Variants in MYO15A observed in about 807,000 individuals in gnomAD.
MYO15A encodes the protein unconventional myosin-XV.
A neutral mutation model predicts 394.6 loss-of-function variants in MYO15A; 308 were observed. The ratio of observed to expected loss-of-function variants is 0.78; its 90% CI spans 0.71 to 0.86. MYO15A has a LOEUF of 0.86. Ranked by LOEUF, MYO15A falls within the 40% of genes least tolerant of loss-of-function variation. The pLI, the probability that MYO15A is intolerant of heterozygous loss-of-function variation, is 0.00. For missense variants in MYO15A, 4,606 were observed against 4,799.1 expected (o/e 0.96, Z 1.19); for synonymous variants, 1,957 against 2,003.8 (o/e 0.98, Z 0.62).
In MYO15A at chr17:18,146,063, C is replaced by T; in HGVS notation, c.6465C>T (p.Leu2155=). ...ERGWLLLAAC[L]SGFAPSPCFN... ...GCTGGCTGCTGCTGGCCGCCTGCCT[C>T]AGTGGCTTTGCACCTTCCCCGTGCT... is the stretch of plus-strand genomic sequence containing the variant. The change falls in exon 30 of 66, where the codon CTC becomes CTT. Residue 2155 remains leucine, a synonymous_variant. Transcript: ENST00000647165. The T allele has an allele frequency of 1.2e-6, 2 of 1,613,942 alleles. No homozygotes were observed. Among genetic ancestry groups the T allele is most frequent in the Non-Finnish European group, 1.7e-6 (2 of 1,180,036 alleles).
chr17:18,140,975 T>A (rs778723705), intron 21 of MYO15A, 44 bp from the exon 22 acceptor site: 1 of 1,613,310 alleles, frequency 6.2e-7, no homozygotes, highest in East Asian at 2.2e-5. Context: ...CTTTTGCACA[T>A]GGCTGAGCCA....
chr17:18,161,123 C>T, intron 56 of MYO15A, 194 bp from the exon 57 acceptor site: 1 of 890,796 alleles, frequency 1.1e-6, no homozygotes, highest in African/African-American at 1.6e-5. Context: ...GGGCCCCATC[C>T]CCTTCTGTCC....
At chr17:18,172,088 G>T in intron 63 of MYO15A, 69 bp from the exon 64 acceptor site, 2 of 1,611,054 alleles carry the variant, frequency 1.2e-6, no homozygotes, top group Non-Finnish European at 1.7e-6. Context: ...AAGCTATGCA[G>T]TTCAGGGCCA....
chr17:18,157,249 G>A lies in MYO15A; in HGVS notation c.8788+19G>A, dbSNP rs779904178. 8 of 1,592,384 alleles carry A rather than the reference G, an allele frequency of 5.0e-6. No homozygotes were observed. In the East Asian group the frequency reaches 9.2e-5, roughly 18 times the overall value. ...GACTTTGGTGTGTGCCCCAGAACCT[G>A]GAACCCCATACGGGGCGCATCCTAG... On this transcript the variant is annotated intron_variant, in intron 50 of 65. Transcript: ENST00000647165.
At chr17:18,139,403 T>A (rs2046337688) in intron 18 of MYO15A, 131 bp from the exon 19 acceptor site, 1 of 1,098,160 alleles carries the variant, frequency 9.1e-7, no homozygotes, top group East Asian at 2.6e-5. Flanking sequence ...AATGCTCCCC[T>A]CCCCCAGGAG....
Position 18,154,185 on chromosome 17 carries a change from C to T in MYO15A, c.8143C>T (p.Arg2715Trp), listed in dbSNP as rs1324954000. 6.8e-6 allele frequency: 11 copies of T among 1,613,900 alleles called. No individual in the cohort carries two copies. Among genetic ancestry groups the T allele is most frequent in the Middle Eastern group, 1.6e-4 (1 of 6,084 alleles). ...TCCTGTGCAGCTTGACCTCCTGTTC[C>T]GGCAGGTGAGGTCCTGTCTCCCCTT... is the stretch of plus-strand genomic sequence containing the variant. The part of the protein sequence containing the change: ...SHPVQLDLLF[R>W]QILHDTLSEA... Residue 2715 changes from arginine (R) to tryptophan (W), a missense_variant, in exon 44 of 66, where the codon CGG becomes TGG. Physicochemically the swap from Arg to Trp is moderately radical, Grantham distance 101. Transcript: ENST00000647165.
chr17:18,171,863 C>A, intron 63 of MYO15A, 92 bp downstream of exon 63: 2 of 1,511,558 alleles, frequency 1.3e-6, no homozygotes, highest in Non-Finnish European at 1.8e-6. Context: ...TCTTTCTTTG[C>A]ACAAAGGCAT....
At chr17:18,154,314 TG>T in intron 44 of MYO15A, 124 bp downstream of exon 44, 1 of 1,145,750 alleles carries the variant, frequency 8.7e-7, no homozygotes, top group Non-Finnish European at 1.3e-6. Flanking sequence ...GGGGTGAGGA[TG>T]GGCAGCTGTT....
In MYO15A at chr17:18,138,858, C is replaced by T. The variant is rs201026034; in HGVS notation, c.5055C>T (p.Ala1685=). Residue 1685 remains alanine, a synonymous_variant, in exon 18 of 66, where the codon GCC becomes GCT. Transcript: ENST00000647165. The stretch of plus-strand genomic sequence containing the variant: ...AGAAGTGCCACTACCATCATGGCGC[C>T]AACCCGCTCTATTCCAAACCCAAGA... The part of the protein sequence containing the change: ...FLQKCHYHHG[A]NPLYSKPKMP... 306 of 1,613,856 alleles carry T rather than the reference C, an allele frequency of 1.9e-4. No individual in the cohort carries two copies. The highest frequency in any genetic ancestry group is 6.6e-4 in the Middle Eastern group (4 of 6,062).
chr17:18,143,936 G>A lies in MYO15A; in HGVS notation c.6113G>A (p.Arg2038His), dbSNP rs368615320. 8.1e-6 allele frequency: 13 copies of A among 1,611,174 alleles called. No individual in the cohort carries two copies. The highest frequency in any genetic ancestry group is 2.2e-5 in the East Asian group (1 of 44,854). ...ACTCCTCGACTCCAGGCTGAGCCCC[G>A]TGTCACACTGCCCCTGGACATCAAC... ...VRTPRLQAEP[R>H]VTLPLDINNY... The change falls in exon 28 of 66, where the codon CGT becomes CAT. Residue 2038 changes from arginine (R) to histidine (H), a missense_variant. Transcript: ENST00000647165.
Position 18,142,147 on chromosome 17 carries a change from C to T in MYO15A, c.5718C>T (p.Ala1906=). The change falls in exon 24 of 66, where the codon GCC becomes GCT. Residue 1906 remains alanine, a synonymous_variant. Coordinates refer to ENST00000647165, the MANE Select transcript of MYO15A (RefSeq NM_016239.4). The part of the protein sequence containing the change: ...SMREHVLNLA[A]LTLQRCLRGF... ...GAGAGCATGTCCTGAATCTGGCAGC[C>T]CTCACTCTGCAGCGCTGCCTCCGTG... The T allele has an allele frequency of 1.2e-6, 2 of 1,613,906 alleles. No homozygotes were observed. The highest frequency in any genetic ancestry group is 1.7e-6 in the Non-Finnish European group (2 of 1,180,028).
chr17:18,157,119 C>A, intron 49 of MYO15A, 37 bp from the exon 50 acceptor site: 1 of 1,611,226 alleles, frequency 6.2e-7, no homozygotes, highest in Admixed American at 1.7e-5. Flanking sequence ...GCCAAGGGGG[C>A]CTCCCTGGCA....
In MYO15A at chr17:18,122,295, A is replaced by C. The variant is rs1597758920; in HGVS notation, c.3495A>C (p.Gly1165=). ...TCTGGCTTCGGGCAGATGCCTATGGACCCTGGCCACGAGTACACACCCATC... is the reference window on the plus strand; with the variant it reads ...TCTGGCTTCGGGCAGATGCCTATGGCCCCTGGCCACGAGTACACACCCATC... The part of the protein sequence containing the change: ...SCLWLRADAY[G]PWPRVHTHPQ... Residue 1165 remains glycine (G), a synonymous_variant, in exon 2 of 66, where the codon GGA becomes GGC. Transcript: ENST00000647165. 1 of 1,612,912 alleles carries C rather than the reference A, an allele frequency of 6.2e-7. No homozygotes were observed. The highest frequency in any genetic ancestry group is 8.5e-7 in the Non-Finnish European group (1 of 1,179,970).
intron 59 of MYO15A, 87 bp downstream of exon 59, chr17:18,163,408 C>T (rs1384878714): frequency 2.2e-6 from 3 of 1,377,858 alleles, no homozygotes; most frequent in Admixed American, 3.4e-5. Context: ...TGGAGTAAGC[C>T]CCCAATGATG....
rs1418033264 is a variant in MYO15A at position 18,179,157 on chromosome 17, T to C, written c.*287T>C. The C allele has an allele frequency of 9.6e-6, 5 of 522,140 alleles. No individual in the cohort carries two copies. Among genetic ancestry groups the C allele is most frequent in the African/African-American group, 5.8e-5 (3 of 52,026 alleles). The allele number at this position is 522,140 out of a possible 1,614,324, so 32.3% of individuals were successfully genotyped here. A position where few individuals can be genotyped will look rare whatever the true frequency, so the allele number is the denominator to read the frequency against. The stretch of plus-strand genomic sequence containing the variant: ...GGCAGGACCATGAGGCCTCCTGCCA[T>C]GTACCCATTGCAGACCCTGCCCCTA... On this transcript the variant is annotated 3_prime_UTR_variant, in exon 66 of 66. Transcript: ENST00000647165.
chr17:18,119,435 C>T lies in MYO15A; in HGVS notation c.635C>T (p.Ala212Val). 1 of 1,612,438 alleles carries T rather than the reference C, an allele frequency of 6.2e-7. No individual in the cohort carries two copies. The highest frequency in any genetic ancestry group is 2.2e-5 in the East Asian group (1 of 44,854). ...GGCTTCCTGCCCTTCGAGGACGAGG[C>T]CCCATTCCATCACTCGGGCTCCCGC... is the stretch of plus-strand genomic sequence containing the variant. ...PLGFLPFEDE[A>V]PFHHSGSRKS... Residue 212 changes from alanine to valine, a missense_variant, in exon 2 of 66, where the codon GCC becomes GTC. Coordinates refer to ENST00000647165, the MANE Select transcript of MYO15A (RefSeq NM_016239.4).
chr17:18,140,329 A>C, intron 19 of MYO15A, 188 bp from the exon 20 acceptor site: 1 of 781,330 alleles, frequency 1.3e-6, no homozygotes, highest in South Asian at 1.6e-5. Context: ...GATCCCTTGG[A>C]AGATGCTGAG....
rs370497397 is a variant in MYO15A at position 18,120,218 on chromosome 17, T to G, written c.1418T>G (p.Leu473Arg). 1.0e-4 allele frequency: 162 copies of G among 1,612,622 alleles called. No homozygotes were observed. The highest frequency in any genetic ancestry group is 1.2e-4 in the Non-Finnish European group (146 of 1,179,898). Residue 473 changes from leucine (L) to arginine (R), a missense_variant, in exon 2 of 66, where the codon CTC becomes CGC. By Grantham distance (102) the Leu-to-Arg change is moderately radical. Transcript: ENST00000647165. ...MDKPARSKLSLIRKFRLFPRP... is the reference protein window; with the variant it reads ...MDKPARSKLSRIRKFRLFPRP... ...AAGCCCGCCAGGTCCAAGCTGTCCC[T>G]CATCCGCAAGTTCCGCCTCTTCCCG...
chr17:18,121,040 G>A lies in MYO15A; in HGVS notation c.2240G>A (p.Gly747Asp). The change falls in exon 2 of 66, where the codon GGC (glycine) becomes GAC (aspartate). Residue 747 changes from glycine (G) to aspartate (D), a missense_variant. Gly to Asp is a moderately conservative substitution (Grantham distance 94). Around this residue, in one of 2 missense-constraint regions of MYO15A, gnomAD observed 1,830 missense variants for 1,689.7 expected, o/e 1.08. Transcript: ENST00000647165. This position sits in a 1 kb window ranked among gnomAD's most constrained non-coding sequence, Gnocchi z 5.3. ...AFPGPRPSFRGSRRRGAAFGF... is the reference protein window; with the variant it reads ...AFPGPRPSFRDSRRRGAAFGF... The stretch of plus-strand genomic sequence containing the variant: ...CCAGGGCCCCGACCCTCGTTCAGGG[G>A]CTCCCGCCGGAGAGGGGCGGCTTTC... 6.6e-7 allele frequency: 1 copy of A among 1,509,422 alleles called. No homozygotes were observed. Among genetic ancestry groups the A allele is most frequent in the Non-Finnish European group, 8.8e-7 (1 of 1,133,640 alleles). 93.5% of individuals were successfully genotyped at this position (1,509,422 alleles called of 1,614,324 possible). A position where few individuals can be genotyped will look rare whatever the true frequency, so the allele number is the denominator to read the frequency against.
Sources: gnomAD v4.1 joint callset for allele counts on GRCh38, gnomAD v4.1.1 for gene constraint, gnomAD v4.1.1 regional missense constraint, Gnocchi (gnomAD v3.1) non-coding constraint, MANE v1.5 for transcripts, NCBI Gene and HGNC (gene_info 2026-07-23, HGNC 2026-07-21) for gene names.